Variants in GPD1L observed in about 807,000 individuals in gnomAD.
The protein encoded by GPD1L is glycerol-3-phosphate dehydrogenase 1-like protein.
A neutral mutation model predicts 32.9 loss-of-function variants in GPD1L; 17 were observed. That is an observed-to-expected ratio of 0.52 (90% CI 0.35 to 0.78). The LOEUF (loss-of-function observed/expected upper bound fraction) is 0.78, where lower values mean the gene tolerates loss of function less well. Among genes scored for constraint, GPD1L ranks in the 30% least tolerant of loss-of-function variants. GPD1L has a pLI of 0.01. For missense variants in GPD1L, 361 were observed against 447.8 expected (o/e 0.81, Z 1.75); for synonymous variants, 187 against 165.9 (o/e 1.13, Z -0.98).
intron 1 of GPD1L, among the ~76,000 whole-genome samples, chr3:32,108,392 G>A (rs933980044): frequency 1.3e-5 from 2 of 152,104 alleles, no homozygotes; most frequent in African/African-American, 4.8e-5. Context: ...CTGTAGTCCC[G>A]GCTACTTGGG....
chr3:32,136,906 G>A (rs1211564619), intron 2 of GPD1L, among the ~76,000 whole-genome samples: 1 of 152,192 alleles, frequency 6.6e-6, no homozygotes, highest in African/African-American at 2.4e-5. Context: ...GCTCTGGGCT[G>A]TCAGTGGAAA....
At chr3:32,140,155 A>C (rs2125486164) in intron 3 of GPD1L, 73 bp from the exon 4 acceptor site, 2 of 1,503,766 alleles carry the variant, frequency 1.3e-6, no homozygotes, top group African/African-American at 2.8e-5. Flanking sequence ...TTGTGTAGCC[A>C]TGGGACATCT....
In GPD1L at chr3:32,168,705, C is replaced by T. The variant is rs1222225025; in HGVS notation, c.*2795C>T. The T allele has an allele frequency of 6.6e-6, 1 of 152,658 alleles. No individual in the cohort carries two copies. The highest frequency in any genetic ancestry group is 2.4e-5 in the African/African-American group (1 of 41,450). The allele number at this position is 152,658 out of a possible 1,614,324, so 9.5% of individuals were successfully genotyped here. Reference sequence around the variant, plus strand: ...CTTGATTTAATAAACATTTAACCCCCTAAACTTGCACCGTGGATCCTGTTT... The same window carrying T: ...CTTGATTTAATAAACATTTAACCCCTTAAACTTGCACCGTGGATCCTGTTT... On this transcript the variant is annotated 3_prime_UTR_variant, in exon 8 of 8. Transcript: ENST00000282541.
chr3:32,146,083 CTTTTTTTT>C (rs59106750), intron 4 of GPD1L, among the ~76,000 whole-genome samples: 6,407 of 126,218 alleles, frequency 0.051, 449 homozygotes, highest in African/African-American at 0.18. Context: ...ATGCTTTTTT[CTTTTTTTT>C]TTTTTTTTTT....
intron 5 of GPD1L, among the ~76,000 whole-genome samples, chr3:32,148,835 GT>G (rs1055620159): frequency 1.3e-5 from 2 of 152,138 alleles, no homozygotes; most frequent in African/African-American, 4.8e-5. Flanking sequence ...ACAGTGATGG[GT>G]TTTTCCCCCC....
At chr3:32,145,393 T>C (rs1322316005) in intron 4 of GPD1L, among the ~76,000 whole-genome samples, 1 of 152,086 alleles carries the variant, frequency 6.6e-6, no homozygotes, top group African/African-American at 2.4e-5. Flanking sequence ...TTTGAGAAAA[T>C]ATGAGATTGC....
Position 32,106,861 on chromosome 3 carries a change from T to G in GPD1L, c.47+103T>G. 4 of 1,138,432 alleles carry G rather than the reference T, an allele frequency of 3.5e-6. No individual in the cohort carries two copies. The highest frequency in any genetic ancestry group is 3.5e-6 in the Non-Finnish European group (3 of 854,272). 70.5% of individuals were successfully genotyped at this position (1,138,432 alleles called of 1,614,324 possible). A position where few individuals can be genotyped will look rare whatever the true frequency, so the allele number is the denominator to read the frequency against. ...ATGCTGCGGCGTGGGCACCGGGCAC[T>G]GCGCGCAGGGAGGCGGGGTGGGCGA... On this transcript the variant is annotated intron_variant, in intron 1 of 7. Coordinates refer to ENST00000282541, the MANE Select transcript of GPD1L (RefSeq NM_015141.4). The surrounding 1 kb of genome is among the most constrained non-coding windows in gnomAD (Gnocchi z 4.0).
chr3:32,133,025 A>T (rs1469080309), intron 2 of GPD1L, among the ~76,000 whole-genome samples: 1 of 152,196 alleles, frequency 6.6e-6, no homozygotes, highest in African/African-American at 2.4e-5. Flanking sequence ...TTGAGCCTCT[A>T]CTATGTCCCA....
chr3:32,109,068 C>A (rs1700209315), intron 1 of GPD1L, among the ~76,000 whole-genome samples: 1 of 152,124 alleles, frequency 6.6e-6, no homozygotes, highest in African/African-American at 2.4e-5. Context: ...CCAGGATGGT[C>A]TCAATCTCCT....
chr3:32,122,673 T>C (rs962652234), intron 1 of GPD1L, among the ~76,000 whole-genome samples: 6 of 152,170 alleles, frequency 3.9e-5, no homozygotes, highest in Admixed American at 3.9e-4. Context: ...GGGGCCTTCC[T>C]TCTGCCTGGA....
In GPD1L at chr3:32,159,500, T is replaced by C; in HGVS notation, c.853-68T>C. 7 of 987,786 alleles carry C rather than the reference T, an allele frequency of 7.1e-6. No homozygotes were observed. The Admixed American group carries it at 1.5e-4, about 22-fold the overall frequency. The allele number at this position is 987,786 out of a possible 1,614,324, so 61.2% of individuals were successfully genotyped here. On this transcript the variant is annotated intron_variant, in intron 6 of 7. Transcript: ENST00000282541. ...AAAAAAGAAAAAAAACACTTAAAAA[T>C]TAAACAAATAAATGATTCTTTAGTC... is the stretch of plus-strand genomic sequence containing the variant.
At chr3:32,145,290 G>T (rs1700803837) in intron 4 of GPD1L, among the ~76,000 whole-genome samples, 1 of 152,050 alleles carries the variant, frequency 6.6e-6, no homozygotes. Context: ...CTGCACTCTA[G>T]CCTGGGCAAC....
At chr3:32,147,956 C>T (rs968208578) in intron 5 of GPD1L, among the ~76,000 whole-genome samples, 5 of 152,226 alleles carry the variant, frequency 3.3e-5, no homozygotes, top group African/African-American at 1.2e-4. Context: ...AGGGAGCACA[C>T]ATGCATATTT....
At chr3:32,129,920 A>G (rs1468753238) in intron 2 of GPD1L, among the ~76,000 whole-genome samples, 1 of 152,022 alleles carries the variant, frequency 6.6e-6, no homozygotes, top group Admixed American at 6.6e-5. Context: ...GGTAAACTAC[A>G]TGCTTCATTG....
At chr3:32,154,643 C>T (rs1397633384) in intron 5 of GPD1L, among the ~76,000 whole-genome samples, 2 of 152,148 alleles carry the variant, frequency 1.3e-5, no homozygotes, top group Non-Finnish European at 2.9e-5. Flanking sequence ...ATAGGACCTG[C>T]CCTGTGACAA....
chr3:32,146,734 G>T lies in GPD1L; in HGVS notation c.618G>T (p.Lys206Asn), dbSNP rs1425060885. ...CTGTTGAACTCTGTGGTGCGCTTAA[G>T]GTAAAGTCAGCCTCAGGGGAGGAGT... ...ADTVELCGAL[K>N]NIVAVGAGFC... The change falls in exon 5 of 8, where the codon AAG becomes AAT. Residue 206 changes from lysine to asparagine, a missense_variant and splice_region_variant. Transcript: ENST00000282541. 6.3e-7 allele frequency: 1 copy of T among 1,578,532 alleles called. No individual in the cohort carries two copies. The highest frequency in any genetic ancestry group is 8.7e-7 in the Non-Finnish European group (1 of 1,148,384).
intron 7 of GPD1L, among the ~76,000 whole-genome samples, chr3:32,164,880 C>G (rs548109283): frequency 7.4e-5 from 11 of 147,664 alleles, no homozygotes; most frequent in African/African-American, 2.8e-4. Context: ...ATTGATTCTG[C>G]CAAGCTCACT....
chr3:32,133,630 C>T (rs1700618338), intron 2 of GPD1L, among the ~76,000 whole-genome samples: 4 of 152,176 alleles, frequency 2.6e-5, no homozygotes, highest in Admixed American at 2.6e-4. Context: ...TCCAGCGAGC[C>T]TATTTATAGT....
intron 1 of GPD1L, among the ~76,000 whole-genome samples, chr3:32,115,344 T>C (rs1403308012): frequency 6.6e-6 from 1 of 152,108 alleles, no homozygotes; most frequent in Non-Finnish European, 1.5e-5. Flanking sequence ...AGAGTGCTGA[T>C]TGGTGCATTT....
Sources: allele counts gnomAD v4.1 joint callset (sites outside exome capture counted in the v4.1 genomes callset), GRCh38; gene constraint gnomAD v4.1.1; non-coding constraint Gnocchi (gnomAD v3.1); transcripts MANE v1.5; gene names NCBI Gene and HGNC (gene_info 2026-07-23, HGNC 2026-07-21).